Variants in PCDH15 observed in about 807,000 individuals in gnomAD.
PCDH15 encodes protocadherin related 15.
Under a neutral mutation model 178.5 loss-of-function variants are expected in PCDH15, and 129 were observed. The ratio of observed to expected loss-of-function variants is 0.72; its 90% CI spans 0.63 to 0.84. The LOEUF is 0.84. Ranked by LOEUF, PCDH15 falls within the 40% of genes least tolerant of loss-of-function variation. The probability of loss-of-function intolerance (pLI) is 0.00; values close to 1 mark genes in which losing one functional copy is unlikely to be tolerated. For synonymous variants in PCDH15, 800 were observed against 732.0 expected (o/e 1.09, Z -1.50); for missense variants, 2,230 against 2,099.9 (o/e 1.06, Z -1.21).
chr10:55,434,829 C>G (rs1387007220), intron 2 of PCDH15, among the ~76,000 whole-genome samples: 1 of 152,100 alleles, frequency 6.6e-6, no homozygotes, highest in East Asian at 1.9e-4. Context: ...TGGTCTTGAA[C>G]TCCAGACCTT....
intron 2 of PCDH15, among the ~76,000 whole-genome samples, chr10:54,576,390 C>T (rs1930156): frequency 0.94 from 142,544 of 152,290 alleles, 66,990 homozygotes; most frequent in Middle Eastern, 0.98. Context: ...CTGACATCCT[C>T]CTTTAAAAGT....
intron 2 of PCDH15, among the ~76,000 whole-genome samples, chr10:55,436,797 G>A (rs1184489237): frequency 6.6e-6 from 1 of 152,130 alleles, no homozygotes; most frequent in African/African-American, 2.4e-5. Flanking sequence ...TTTGTAATTG[G>A]TAACTATGAA....
At chr10:54,934,262 C>T (rs924495287) in intron 2 of PCDH15, among the ~76,000 whole-genome samples, 1 of 151,970 alleles carries the variant, frequency 6.6e-6, no homozygotes, top group Non-Finnish European at 1.5e-5. Context: ...AACTTATCTC[C>T]AAATTTTAAA....
chr10:55,043,355 C>T (rs1298530445), intron 2 of PCDH15, among the ~76,000 whole-genome samples: 1 of 151,978 alleles, frequency 6.6e-6, no homozygotes, highest in Non-Finnish European at 1.5e-5. Flanking sequence ...TGACTAATTT[C>T]TCTGTTCTCT....
At chr10:55,301,572 G>A (rs529265169) in intron 1 of PCDH15, among the ~76,000 whole-genome samples, 30 of 151,768 alleles carry the variant, frequency 2.0e-4, no homozygotes, top group African/African-American at 6.5e-4. Flanking sequence ...TAACAGTATC[G>A]TTTGTACAGC....
At chr10:54,207,378 A>ATGTGTG (rs879535806) in intron 10 of PCDH15, among the ~76,000 whole-genome samples, 8 of 12,180 alleles carry the variant, frequency 6.6e-4, no homozygotes, top group Non-Finnish European at 9.9e-4. Flanking sequence ...GTGTGTGTGT[A>ATGTGTG]TGTGTGTGTG....
intron 34 of PCDH15, among the ~76,000 whole-genome samples, chr10:53,817,527 CTTTTTTTTTTTTTT>C (rs1035712082): frequency 2.1e-5 from 2 of 95,160 alleles, no homozygotes; most frequent in Non-Finnish European, 4.5e-5. Context: ...TTTTTTTTTT[CTTTTTTTTTTTTTT>C]GAGACAGAGT....
intron 24 of PCDH15, 123 bp from the exon 25 acceptor site, chr10:53,939,078 G>A: frequency 2.2e-6 from 2 of 926,750 alleles, no homozygotes; most frequent in Non-Finnish European, 3.3e-6. Context: ...AGTGATGCAT[G>A]AAAGTGACAA....
intron 32 of PCDH15, among the ~76,000 whole-genome samples, chr10:53,824,632 A>G (rs769739812): frequency 2.0e-5 from 3 of 152,136 alleles, no homozygotes; most frequent in Non-Finnish European, 4.4e-5. Context: ...ATCAGAGTGC[A>G]AACAAACACT....
At chr10:54,621,384 A>C (rs2093344183) in intron 2 of PCDH15, among the ~76,000 whole-genome samples, 1 of 151,964 alleles carries the variant, frequency 6.6e-6, no homozygotes. Flanking sequence ...TTTTAAGAAA[A>C]GTTTACTTTG....
At chr10:54,336,461 C>T (rs1316090852) in intron 6 of PCDH15, among the ~76,000 whole-genome samples, 2 of 152,124 alleles carry the variant, frequency 1.3e-5, no homozygotes, top group Admixed American at 6.6e-5. Context: ...CCGTGTGCAG[C>T]CTAGGAACTC....
intron 2 of PCDH15, among the ~76,000 whole-genome samples, chr10:54,618,019 A>G (rs1037572249): frequency 2.0e-5 from 3 of 152,014 alleles, no homozygotes; most frequent in African/African-American, 7.2e-5. Flanking sequence ...ATTCAGCCCA[A>G]CTGTAACTTT....
intron 2 of PCDH15, among the ~76,000 whole-genome samples, chr10:54,653,084 T>C (rs2094298023): frequency 6.6e-6 from 1 of 152,182 alleles, no homozygotes; most frequent in South Asian, 2.1e-4. Flanking sequence ...GATAACCCTA[T>C]GAGAGAGGTA....
At chr10:54,981,777 TTTAA>T (rs894234562) in intron 2 of PCDH15, among the ~76,000 whole-genome samples, 20 of 152,028 alleles carry the variant, frequency 1.3e-4, no homozygotes, top group African/African-American at 4.8e-4. Context: ...CCCCACCTCC[TTTAA>T]TTAATTAATT....
At chr10:54,208,116 C>T (rs1469596771) in intron 10 of PCDH15, among the ~76,000 whole-genome samples, 9 of 151,896 alleles carry the variant, frequency 5.9e-5, no homozygotes, top group Non-Finnish European at 1.0e-4. Context: ...AATACGAACA[C>T]TTAGTGTATC....
intron 1 of PCDH15, among the ~76,000 whole-genome samples, chr10:54,682,080 G>A (rs934450333): frequency 6.6e-6 from 1 of 152,180 alleles, no homozygotes; most frequent in Non-Finnish European, 1.5e-5. Flanking sequence ...CAGTTATACA[G>A]TTATTGCATA....
At chr10:54,433,453 C>T (rs568961713) in intron 3 of PCDH15, among the ~76,000 whole-genome samples, 33 of 152,130 alleles carry the variant, frequency 2.2e-4, no homozygotes, top group African/African-American at 8.0e-4. Flanking sequence ...GTGAAATAAG[C>T]CAGGCACAGT....
intron 4 of PCDH15, 115 bp downstream of exon 4, chr10:54,378,667 T>A: frequency 8.5e-7 from 1 of 1,173,002 alleles, no homozygotes; most frequent in Non-Finnish European, 1.2e-6. Flanking sequence ...GTTGTTGCTA[T>A]ACTCAGGAAA....
intron 2 of PCDH15, among the ~76,000 whole-genome samples, chr10:55,570,556 A>T (rs1366902381): frequency 2.6e-5 from 4 of 152,028 alleles, no homozygotes; most frequent in Admixed American, 1.3e-4. Flanking sequence ...GTGTCAGTCA[A>T]TGAGAAATAT....
Sources: allele counts gnomAD v4.1 joint callset (sites outside exome capture counted in the v4.1 genomes callset), GRCh38; gene constraint gnomAD v4.1.1; transcripts MANE v1.5; gene names NCBI Gene and HGNC (gene_info 2026-07-23, HGNC 2026-07-21).